Variants in TENM4 observed in about 807,000 individuals in gnomAD.
The protein encoded by TENM4 is teneurin transmembrane protein 4.
TENM4 carries 82 observed loss-of-function variants against 243.3 expected under a neutral mutation model. The observed-to-expected ratio is 0.34, with a 90% CI of 0.28 to 0.40. The LOEUF (loss-of-function observed/expected upper bound fraction) is 0.40. Ranked by LOEUF, TENM4 falls within the 10% of genes least tolerant of loss-of-function variation. The probability of loss-of-function intolerance (pLI) is 1.00; values close to 1 mark genes in which losing one functional copy is unlikely to be tolerated. For synonymous variants in TENM4, 1,412 were observed against 1,456.3 expected, an observed-to-expected ratio of 0.97 and a Z score of 0.69; for missense variants, 3,138 against 3,673.3, an observed-to-expected ratio of 0.85 and a Z score of 3.77.
At chr11:78,853,519 T>C (rs572560975) in intron 12 of TENM4, among the ~76,000 whole-genome samples, 1 of 152,140 alleles carries the variant, frequency 6.6e-6, no homozygotes, top group Non-Finnish European at 1.5e-5. Context: ...TAAGCACTCA[T>C]TTATTTCGCA....
chr11:79,226,601 A>C (rs1423102241), intron 2 of TENM4, among the ~76,000 whole-genome samples: 1 of 152,208 alleles, frequency 6.6e-6, no homozygotes, highest in Non-Finnish European at 1.5e-5. Flanking sequence ...CATAGTATGA[A>C]TGAACAGAAT....
rs1260257366 is a variant in TENM4 at position 78,658,662 on chromosome 11, C to G, written c.7706G>C (p.Gly2569Ala). Residue 2569 changes from glycine to alanine, a missense_variant, in exon 34 of 34, where the codon GGG (glycine) becomes GCG (alanine). Transcript: ENST00000278550. ...FASSGSVFGK[G>A]VKFALKDGRV... ...GCCATCCTTCAAGGCAAACTTGACC[C>G]CCTTGCCAAAGACTGAGCCGCTGGA... 6 of 1,614,032 alleles carry G rather than the reference C, an allele frequency of 3.7e-6. No homozygotes were observed. Among genetic ancestry groups the G allele is most frequent in the Non-Finnish European group, 4.2e-6 (5 of 1,179,900 alleles).
At chr11:79,296,826 C>T (rs1158753032) in intron 2 of TENM4, among the ~76,000 whole-genome samples, 1 of 152,176 alleles carries the variant, frequency 6.6e-6, no homozygotes, top group Non-Finnish European at 1.5e-5. Flanking sequence ...ACCCTTCAAA[C>T]TGTATACCCC....
At position 78,702,289 on chromosome 11, in the gene TENM4, C is replaced by T. The variant is rs375681722; in HGVS notation, c.4324G>A (p.Ala1442Thr). ...ISENHQVRIV[A>T]GRPMHCQVPG... ...ACCTGGCAGTGCATGGGCCTCCCGGCGACAATGCGCACCTGGTGGTTTTCA... is the reference window on the plus strand; with the variant it reads ...ACCTGGCAGTGCATGGGCCTCCCGGTGACAATGCGCACCTGGTGGTTTTCA... The change falls in exon 28 of 34, where the codon GCC becomes ACC. Residue 1442 changes from alanine to threonine, a missense_variant. This residue lies in a region of TENM4 where 2,467 missense variants were observed against 3,059.1 expected (regional missense o/e 0.81). Transcript: ENST00000278550. The T allele has an allele frequency of 5.5e-5, 89 of 1,614,032 alleles. No individual in the cohort carries two copies. The African/African-American group carries it at 8.1e-4, about 15-fold the overall frequency.
intron 6 of TENM4, among the ~76,000 whole-genome samples, chr11:78,917,236 A>G (rs573842403): frequency 6.6e-6 from 1 of 152,334 alleles, no homozygotes; most frequent in East Asian, 1.9e-4. Flanking sequence ...GCCCATAAAC[A>G]GAGACTCCAA....
intron 6 of TENM4, among the ~76,000 whole-genome samples, chr11:78,971,086 C>A (rs1241345476): frequency 6.6e-6 from 1 of 152,092 alleles, no homozygotes; most frequent in Non-Finnish European, 1.5e-5. Flanking sequence ...TTCACAGGCA[C>A]AATCACAGGG....
At chr11:78,984,821 A>G (rs957602565) in intron 6 of TENM4, among the ~76,000 whole-genome samples, 2 of 152,030 alleles carry the variant, frequency 1.3e-5, no homozygotes, top group African/African-American at 2.4e-5. Flanking sequence ...TTAAATATTT[A>G]ATATTATAAG....
At chr11:78,982,952 C>A (rs892456905) in intron 6 of TENM4, among the ~76,000 whole-genome samples, 2 of 152,202 alleles carry the variant, frequency 1.3e-5, no homozygotes, top group African/African-American at 4.8e-5. Flanking sequence ...AGTTACTGAC[C>A]ACACAGTGGC....
intron 1 of TENM4, among the ~76,000 whole-genome samples, chr11:79,373,713 G>A (rs1207094239): frequency 2.0e-5 from 3 of 151,962 alleles, no homozygotes; most frequent in Non-Finnish European, 4.4e-5. Flanking sequence ...AATCTAAAAG[G>A]TAACATATGG....
Position 79,033,861 on chromosome 11 carries a change from CA to C in TENM4, c.493+30876del, listed in dbSNP as rs1160396163. On this transcript the variant is annotated intron_variant, in intron 6 of 33. Coordinates refer to ENST00000278550, the MANE Select transcript of TENM4 (RefSeq NM_001098816.3). ...GTCCTAAAAAGATACAAATAAACTA[CA>C]TTTTGCTAAGCACTTAATGAACTGA... 3.9e-5 allele frequency among the ~76,000 whole-genome samples: 6 copies of C among 152,326 alleles called. No homozygotes were observed. The East Asian group carries it at 1.2e-3, about 29-fold the overall frequency.
intron 1 of TENM4, among the ~76,000 whole-genome samples, chr11:79,307,672 G>A (rs573105695): frequency 6.6e-5 from 10 of 152,044 alleles, no homozygotes; most frequent in South Asian, 2.1e-4. Context: ...CCTTTTGCTC[G>A]CCATTCTTTC....
rs139317661 is a variant in TENM4 at position 78,673,407 on chromosome 11, T to C, written c.5497-1078A>G. Among the ~76,000 whole-genome samples, 128 of 152,228 alleles carry C rather than the reference T, an allele frequency of 8.4e-4. 1 individual carries two copies. The East Asian group carries it at 0.021, about 26-fold the overall frequency. ...CTAGTCATTGCTTAAGGTTGACAAG[T>C]AATACAGAAGACCCAAGAGGAAAGC... On this transcript the variant is annotated intron_variant, in intron 30 of 33. Coordinates refer to ENST00000278550, the MANE Select transcript of TENM4 (RefSeq NM_001098816.3).
chr11:79,157,613 A>G (rs1653187643), intron 3 of TENM4, among the ~76,000 whole-genome samples: 1 of 152,094 alleles, frequency 6.6e-6, no homozygotes, highest in Admixed American at 6.6e-5. Context: ...TTGTCCTTCT[A>G]TTCCTCCACA....
intron 6 of TENM4, among the ~76,000 whole-genome samples, chr11:79,055,122 C>T (rs1219044364): frequency 9.2e-6 from 1 of 108,156 alleles, no homozygotes; most frequent in Non-Finnish European, 2.3e-5. Context: ...AGTGAAACTC[C>T]ATCTCAAAAA....
chr11:79,313,861 G>C (rs769641074), intron 1 of TENM4, among the ~76,000 whole-genome samples: 3 of 152,122 alleles, frequency 2.0e-5, no homozygotes, highest in Non-Finnish European at 4.4e-5. Context: ...GGGAGTAAAG[G>C]CAGGGCCATT....
chr11:79,084,424 TC>T (rs1383562163), intron 4 of TENM4, among the ~76,000 whole-genome samples: 1 of 152,204 alleles, frequency 6.6e-6, no homozygotes, highest in African/African-American at 2.4e-5. Context: ...ACAATGATGT[TC>T]ATAAAAGCTT....
intron 10 of TENM4, among the ~76,000 whole-genome samples, chr11:78,859,870 C>G (rs1201395599): frequency 6.6e-6 from 1 of 152,216 alleles, no homozygotes; most frequent in Non-Finnish European, 1.5e-5. Context: ...ACCAATTCAA[C>G]CATCAGAAAT....
chr11:79,415,121 G>A (rs1222549542), intron 1 of TENM4, among the ~76,000 whole-genome samples: 3 of 152,218 alleles, frequency 2.0e-5, no homozygotes, highest in African/African-American at 7.2e-5. Context: ...GTTGCATTAA[G>A]ACTGTCTCTC....
chr11:78,708,955 CTTTCT>C (rs1269254175), intron 26 of TENM4, among the ~76,000 whole-genome samples: 3,466 of 121,114 alleles, frequency 0.029, 159 homozygotes, highest in African/African-American at 0.12. Context: ...TTTTTCTTTT[CTTTCT>C]TTTTCTTTCT....
Sources: gnomAD v4.1 joint callset for allele counts (sites outside exome capture counted in the v4.1 genomes callset) on GRCh38, gnomAD v4.1.1 for gene constraint, gnomAD v4.1.1 regional missense constraint, MANE v1.5 for transcripts, NCBI Gene and HGNC (gene_info 2026-07-23, HGNC 2026-07-21) for gene names.